SLC4A7: variants seen among roughly 807,000 people sequenced by gnomAD.
SLC4A7 encodes the protein solute carrier family 4 member 7, also known as sodium bicarbonate cotransporter 3.
In SLC4A7, 51 loss-of-function variants were observed where a neutral mutation model predicts 137.6. The observed-to-expected ratio is 0.37, with a 90% CI of 0.30 to 0.47. The LOEUF (loss-of-function observed/expected upper bound fraction) is 0.47, where lower values mean the gene tolerates loss of function less well. Among genes scored for constraint, SLC4A7 ranks in the 20% least tolerant of loss-of-function variants. The pLI is 1.00. For missense variants in SLC4A7, 1,247 were observed against 1,525.4 expected (o/e 0.82, Z 3.04); for synonymous variants, 542 against 518.6 (o/e 1.05, Z -0.61).
intron 13 of SLC4A7, among the ~76,000 whole-genome samples, chr3:27,406,111 G>A (rs1408498713): frequency 9.9e-5 from 15 of 152,232 alleles, no homozygotes; most frequent in Admixed American, 9.8e-4. Context: ...AGGCAGCGCA[G>A]CAACAGGCAA....
chr3:27,438,281 T>G (rs986803485), intron 3 of SLC4A7, among the ~76,000 whole-genome samples: 1 of 151,016 alleles, frequency 6.6e-6, no homozygotes, highest in African/African-American at 2.4e-5. Flanking sequence ...CCGAGGCGGT[T>G]GGATCATGAG....
At chr3:27,471,746 T>C (rs1187428704) in intron 1 of SLC4A7, among the ~76,000 whole-genome samples, 2 of 152,198 alleles carry the variant, frequency 1.3e-5, no homozygotes, top group Non-Finnish European at 2.9e-5. Flanking sequence ...GCCTGCATTT[T>C]ATAAACTGTG....
chr3:27,398,321 C>A lies in SLC4A7; in HGVS notation c.2460G>T (p.Gly820=). ...ECKKLRGVFL[G]SACGHHGPYI... ...AAGGTCCATGATGACCACAAGCTGA[C>A]CCCAAGAATACACCACGAAGTTTTT... Residue 820 remains glycine, a synonymous_variant, in exon 17 of 26, where the codon GGG becomes GGT. Transcript: ENST00000454389. 4 of 1,607,272 alleles carry A rather than the reference C, an allele frequency of 2.5e-6. No homozygotes were observed. Among genetic ancestry groups the A allele is most frequent in the South Asian group, 1.1e-5 (1 of 89,584 alleles).
intron 3 of SLC4A7, among the ~76,000 whole-genome samples, chr3:27,445,605 A>T (rs1488899427): frequency 6.6e-6 from 1 of 151,738 alleles, no homozygotes; most frequent in African/African-American, 2.4e-5. Flanking sequence ...ATAACGTACA[A>T]CATGATGACT....
chr3:27,425,676 CAAAAAAAAAAAAA>C (rs59895795), intron 7 of SLC4A7, among the ~76,000 whole-genome samples: 51 of 61,498 alleles, frequency 8.3e-4, no homozygotes, highest in Admixed American at 7.6e-3. Context: ...AACTCTGTCT[CAAAAAAAAAAAAA>C]AAAAAAAAAA....
rs1016870492 is a variant in SLC4A7 at position 27,451,017 on chromosome 3, C to T, written c.142+1400G>A. Among the ~76,000 whole-genome samples the T allele has an allele frequency of 4.6e-5, 7 of 151,808 alleles. No individual in the cohort carries two copies. In the South Asian group the frequency reaches 6.2e-4, roughly 14 times the overall value. On this transcript the variant is annotated intron_variant, in intron 2 of 25. Transcript: ENST00000454389. The stretch of plus-strand genomic sequence containing the variant: ...TGTACATTTGAATTAGTAAAATTAC[C>T]GCTAAAAATTTTAACCTCCCTAGCT...
chr3:27,434,166 C>A (rs2056548265), intron 5 of SLC4A7, 62 bp from the exon 6 acceptor site: 4 of 1,236,046 alleles, frequency 3.2e-6, no homozygotes, highest in Non-Finnish European at 4.4e-6. Context: ...TAGGAATAAA[C>A]TGTGAGTGAA....
chr3:27,410,181 T>C (rs1161760593), intron 12 of SLC4A7, among the ~76,000 whole-genome samples: 1 of 152,204 alleles, frequency 6.6e-6, no homozygotes, highest in East Asian at 1.9e-4. Flanking sequence ...TGTTTGTACA[T>C]CAAAGCTGTA....
rs1285650435 is a variant in SLC4A7, at chr3:27,373,464, G to A, written c.*3300C>T. ...GCACTGCATACGATAAAAATGATGT[G>A]ATCTACATAAATAAATTTAAAACAT... On this transcript the variant is annotated 3_prime_UTR_variant, in exon 26 of 26. Coordinates refer to ENST00000454389, the MANE Select transcript of SLC4A7 (RefSeq NM_001321103.2). 1.3e-5 allele frequency: 2 copies of A among 152,036 alleles called. No homozygotes were observed. Among genetic ancestry groups the A allele is most frequent in the Non-Finnish European group, 2.9e-5 (2 of 67,952 alleles). 9.4% of individuals were successfully genotyped at this position (152,036 alleles called of 1,614,324 possible).
At chr3:27,481,488 T>C (rs1559863383) in intron 1 of SLC4A7, among the ~76,000 whole-genome samples, 1 of 152,246 alleles carries the variant, frequency 6.6e-6, no homozygotes, top group Non-Finnish European at 1.5e-5. Context: ...AGCAGTCTGC[T>C]GCGAGTTAGA....
intron 3 of SLC4A7, among the ~76,000 whole-genome samples, chr3:27,443,024 CTTTTT>C (rs1156950293): frequency 9.8e-6 from 1 of 102,142 alleles, no homozygotes; most frequent in Non-Finnish European, 1.9e-5. Flanking sequence ...TCTCTTTTTT[CTTTTT>C]TTCTTTTTTT....
rs187921223 is a variant in SLC4A7 at position 27,438,466 on chromosome 3, T to C, written c.290-940A>G. On this transcript the variant is annotated intron_variant, in intron 3 of 25. Transcript: ENST00000454389. ...GTTGCAGTGAGCTGAGATTGTGCCA[T>C]TCCACTCCAGCCTGGGCGACAGAGC... is the stretch of plus-strand genomic sequence containing the variant. Among the ~76,000 whole-genome samples the C allele has an allele frequency of 4.3e-3, 652 of 150,882 alleles. 2 individuals are homozygous for C. The highest frequency in any genetic ancestry group is 0.015 in the African/African-American group (617 of 41,074).
At chr3:27,401,881 G>A (rs1446623057) in intron 15 of SLC4A7, among the ~76,000 whole-genome samples, 1 of 152,182 alleles carries the variant, frequency 6.6e-6, no homozygotes, top group Non-Finnish European at 1.5e-5. Context: ...TAAAAAATGT[G>A]TTTAAATTAA....
rs1398238033 is a variant in SLC4A7 at position 27,452,408 on chromosome 3, C to A, written c.142+9G>T. On this transcript the variant is annotated intron_variant, in intron 2 of 25. Coordinates refer to ENST00000454389, the MANE Select transcript of SLC4A7 (RefSeq NM_001321103.2). ...ACTAAGCGAAGTAAGTTATTTTAAACCAACTTACTTTCTAGTTCTTCTTTT... is the reference window on the plus strand; with the variant it reads ...ACTAAGCGAAGTAAGTTATTTTAAAACAACTTACTTTCTAGTTCTTCTTTT... The A allele has an allele frequency of 6.3e-7, 1 of 1,575,978 alleles. No individual in the cohort carries two copies. Among genetic ancestry groups the A allele is most frequent in the Non-Finnish European group, 8.6e-7 (1 of 1,156,890 alleles).
intron 7 of SLC4A7, among the ~76,000 whole-genome samples, chr3:27,429,700 A>G (rs2056066696): frequency 6.6e-6 from 1 of 152,004 alleles, no homozygotes; most frequent in Non-Finnish European, 1.5e-5. Context: ...AAATACAAAA[A>G]TTATCTGGGT....
rs1576010451 is a variant in SLC4A7 at position 27,374,097 on chromosome 3, T to C, written c.*2667A>G. 1 of 152,634 alleles carries C rather than the reference T, an allele frequency of 6.6e-6. No individual in the cohort carries two copies. The highest frequency in any genetic ancestry group is 1.9e-4 in the East Asian group (1 of 5,194). The allele number at this position is 152,634 out of a possible 1,614,324, so 9.5% of individuals were successfully genotyped here. A position where few individuals can be genotyped will look rare whatever the true frequency, so the allele number is the denominator to read the frequency against. On this transcript the variant is annotated 3_prime_UTR_variant, in exon 26 of 26. Coordinates refer to ENST00000454389, the MANE Select transcript of SLC4A7 (RefSeq NM_001321103.2). ...TTTCTCAAAAGCTGCTATTTTAGAT[T>C]GAAACAGCATTCAGAAAAAAAGTAC...
intron 20 of SLC4A7, among the ~76,000 whole-genome samples, chr3:27,392,203 T>C (rs2051633426): frequency 6.6e-6 from 1 of 152,232 alleles, no homozygotes. Context: ...TTGCTATCAC[T>C]ACCTGCTGCA....
At chr3:27,385,856 G>A (rs1203011188) in intron 23 of SLC4A7, 36 bp downstream of exon 23, 1 of 1,378,090 alleles carries the variant, frequency 7.3e-7, no homozygotes, top group East Asian at 2.3e-5. Flanking sequence ...TATTAAATAA[G>A]GAAGTGGTGT....
At chr3:27,456,617 T>C (rs757044702) in intron 1 of SLC4A7, 3 of 1,406,126 alleles carry the variant, frequency 2.1e-6, no homozygotes, top group South Asian at 2.3e-5. Context: ...AATTCGTTTG[T>C]AAATAAAAGA....
Sources: allele counts gnomAD v4.1 joint callset (sites outside exome capture counted in the v4.1 genomes callset), GRCh38; gene constraint gnomAD v4.1.1; transcripts MANE v1.5; gene names NCBI Gene and HGNC (gene_info 2026-07-23, HGNC 2026-07-21).